The following KIF5C variants were observed in gnomAD, a reference collection of about 807,000 sequenced individuals.
KIF5C encodes kinesin family member 5C.
In KIF5C, 18 loss-of-function variants were observed where a neutral mutation model predicts 125.2. The ratio of observed to expected loss-of-function variants is 0.14; its 90% CI spans 0.10 to 0.21. The LOEUF (loss-of-function observed/expected upper bound fraction) is 0.21, where lower values mean the gene tolerates loss of function less well. Ranked by LOEUF, KIF5C falls within the 10% of genes least tolerant of loss-of-function variation. The pLI, the probability that KIF5C is intolerant of heterozygous loss-of-function variation, is 1.00. For missense variants in KIF5C, 780 were observed against 1,183.8 expected (o/e 0.66, Z 5.01); for synonymous variants, 405 against 434.0 (o/e 0.93, Z 0.83).
At chr2:148,880,092 A>T (rs933516496) in intron 1 of KIF5C, among the ~76,000 whole-genome samples, 1 of 151,878 alleles carries the variant, frequency 6.6e-6, no homozygotes, top group South Asian at 2.1e-4. Context: ...CATTAAAACA[A>T]TTTTTTCAAA....
At chr2:148,997,728 T>C (rs1394765278) in intron 18 of KIF5C, 1 of 198,730 alleles carries the variant, frequency 5.0e-6, no homozygotes, top group Non-Finnish European at 1.0e-5. Context: ...ATTTTTCTTT[T>C]GGTCACATTT....
intron 11 of KIF5C, among the ~76,000 whole-genome samples, chr2:148,970,758 G>A (rs184396576): frequency 6.6e-6 from 1 of 152,170 alleles, no homozygotes; most frequent in African/African-American, 2.4e-5. Context: ...GGTTATAGAA[G>A]TCTATCCCCG....
At chr2:148,997,494 T>C (rs1202878561) in intron 18 of KIF5C, 154 bp downstream of exon 18, 1 of 1,380,916 alleles carries the variant, frequency 7.2e-7, no homozygotes, top group Admixed American at 2.3e-5. Flanking sequence ...GATCTCAGAG[T>C]ATAGCCTGGC....
At chr2:149,001,305 G>A (rs1008341783) in intron 21 of KIF5C, among the ~76,000 whole-genome samples, 18 of 152,280 alleles carry the variant, frequency 1.2e-4, no homozygotes, top group South Asian at 4.1e-4. Context: ...GCAGGGACTC[G>A]AAGAAGGAGA....
Position 149,025,198 on chromosome 2 carries a change from C to T in KIF5C, c.*2128C>T, listed in dbSNP as rs1682654307. 6.6e-6 allele frequency: 1 copy of T among 152,624 alleles called. No individual in the cohort carries two copies. The highest frequency in any genetic ancestry group is 2.4e-5 in the African/African-American group (1 of 41,460). The allele number at this position is 152,624 out of a possible 1,614,324, so 9.5% of individuals were successfully genotyped here. On this transcript the variant is annotated 3_prime_UTR_variant, in exon 26 of 26. Coordinates refer to ENST00000435030, the MANE Select transcript of KIF5C (RefSeq NM_004522.3). ...CGCTTGTAGTTCCATTTTACTTGAT[C>T]TCTACAAGGGACTGACAACATTTGC...
At chr2:148,881,818 A>T (rs956977710) in intron 1 of KIF5C, among the ~76,000 whole-genome samples, 5 of 145,576 alleles carry the variant, frequency 3.4e-5, no homozygotes, top group African/African-American at 1.4e-4. Flanking sequence ...GACCAAACCT[A>T]TTTGTTTATG....
At chr2:148,910,345 A>G (rs1040139766) in intron 1 of KIF5C, among the ~76,000 whole-genome samples, 2 of 152,246 alleles carry the variant, frequency 1.3e-5, no homozygotes, top group African/African-American at 4.8e-5. Context: ...TGTGCAAGCC[A>G]TGGACATCTC....
At chr2:148,908,408 G>T (rs1681198789) in intron 1 of KIF5C, among the ~76,000 whole-genome samples, 1 of 152,172 alleles carries the variant, frequency 6.6e-6, no homozygotes, top group African/African-American at 2.4e-5. Context: ...CACTCTCAAA[G>T]ATTTCTCTCC....
intron 17 of KIF5C, 73 bp from the exon 18 acceptor site, chr2:148,997,191 G>GT (rs1410770455): frequency 1.3e-6 from 2 of 1,541,664 alleles, no homozygotes; most frequent in Middle Eastern, 1.7e-4. Flanking sequence ...CTTGCTTTTT[G>GT]TTTTTTAATT....
chr2:149,005,163 C>T (rs1681968769), intron 21 of KIF5C, among the ~76,000 whole-genome samples: 1 of 152,030 alleles, frequency 6.6e-6, no homozygotes. Flanking sequence ...AGGCTTTGTT[C>T]TGGTTTACAA....
chr2:148,905,223 G>A (rs1681059270), intron 1 of KIF5C, among the ~76,000 whole-genome samples: 2 of 152,144 alleles, frequency 1.3e-5, no homozygotes, highest in Admixed American at 1.3e-4. Context: ...AGAGTGGATG[G>A]TACATGGTTA....
chr2:148,882,189 T>A (rs1421875988), intron 1 of KIF5C, among the ~76,000 whole-genome samples: 1 of 152,208 alleles, frequency 6.6e-6, no homozygotes, highest in Admixed American at 6.5e-5. Flanking sequence ...ATAGCCAGGA[T>A]GAACTCTGAG....
chr2:148,924,672 G>A lies in KIF5C; in HGVS notation c.217+2445G>A, dbSNP rs1415551455. 2.0e-5 allele frequency among the ~76,000 whole-genome samples: 3 copies of A among 152,056 alleles called. No homozygotes were observed. Among genetic ancestry groups the A allele is most frequent in the Non-Finnish European group, 2.9e-5 (2 of 68,020 alleles). ...AGTAAATGGGAAGGCTCCTTTGGAC[G>A]CCTAGGAATTAAACACCATGGTAAC... On this transcript the variant is annotated intron_variant, in intron 2 of 25. Transcript: ENST00000435030. This position sits in a 1 kb window ranked among gnomAD's most constrained non-coding sequence, Gnocchi z 4.0.
At chr2:148,925,884 G>T (rs1345841215) in intron 2 of KIF5C, among the ~76,000 whole-genome samples, 2 of 152,204 alleles carry the variant, frequency 1.3e-5, no homozygotes, top group South Asian at 4.1e-4. Context: ...GCATGCCCTT[G>T]CCTGGGCACA....
At chr2:148,952,208 C>T (rs1438773546) in intron 10 of KIF5C, among the ~76,000 whole-genome samples, 1 of 152,120 alleles carries the variant, frequency 6.6e-6, no homozygotes, top group Non-Finnish European at 1.5e-5. Context: ...TAACAATTTC[C>T]TCTGAAGACA....
intron 1 of KIF5C, chr2:148,879,294 T>C (rs1681281008): frequency 1.3e-5 from 2 of 152,220 alleles, no homozygotes; most frequent in African/African-American, 4.8e-5. Flanking sequence ...ACTTAGTAAA[T>C]ATTTATCGAT....
intron 1 of KIF5C, among the ~76,000 whole-genome samples, chr2:148,909,342 C>T (rs1681243506): frequency 6.6e-6 from 1 of 152,242 alleles, no homozygotes; most frequent in Non-Finnish European, 1.5e-5. Context: ...GGCTTCTGCT[C>T]TGAGGTCACA....
Position 149,026,407 on chromosome 2 carries a change from AGGG to A in KIF5C, c.*3339_*3341del, listed in dbSNP as rs1293415674. On this transcript the variant is annotated 3_prime_UTR_variant, in exon 26 of 26. Transcript: ENST00000435030. ...ATACTGTTCATTGTGTGCAGATATAAGGGGAATAGGGCATTCTGTAGAATTATA... is the reference window on the plus strand; with the variant it reads ...ATACTGTTCATTGTGTGCAGATATAAGAATAGGGCATTCTGTAGAATTATA... 1 of 152,224 alleles carries A rather than the reference AGGG, an allele frequency of 6.6e-6. No individual in the cohort carries two copies. Among genetic ancestry groups the A allele is most frequent in the Admixed American group, 6.5e-5 (1 of 15,272 alleles). The allele number at this position is 152,224 out of a possible 1,614,324, so 9.4% of individuals were successfully genotyped here.
chr2:148,966,911 T>G (rs1420545719), intron 11 of KIF5C, among the ~76,000 whole-genome samples: 2 of 152,128 alleles, frequency 1.3e-5, no homozygotes, highest in Admixed American at 1.3e-4. Context: ...ATGTTGGCAC[T>G]CTGATCTTGG....
Sources: allele counts gnomAD v4.1 joint callset (sites outside exome capture counted in the v4.1 genomes callset), GRCh38; gene constraint gnomAD v4.1.1; non-coding constraint Gnocchi (gnomAD v3.1); transcripts MANE v1.5; gene names NCBI Gene and HGNC (gene_info 2026-07-23, HGNC 2026-07-21).